Variants in PARD3 observed in about 807,000 individuals in gnomAD.
PARD3 encodes partitioning defective 3 homolog.
Under a neutral mutation model 155.4 loss-of-function variants are expected in PARD3, and 75 were observed. That is an observed-to-expected ratio of 0.48 (90% CI 0.40 to 0.58). The LOEUF is 0.58. Among genes scored for constraint, PARD3 ranks in the 20% least tolerant of loss-of-function variants. The pLI, the probability that PARD3 is intolerant of heterozygous loss-of-function variation, is 0.00. For missense variants in PARD3, 1,642 were observed against 1,721.7 expected (o/e 0.95, Z 0.82); for synonymous variants, 576 against 610.5 (o/e 0.94, Z 0.83).
At chr10:34,370,864 A>G (rs1283574143) in intron 12 of PARD3, among the ~76,000 whole-genome samples, 1 of 147,098 alleles carries the variant, frequency 6.8e-6, no homozygotes, top group Non-Finnish European at 1.5e-5. Context: ...CTGTGGATCT[A>G]TTTTGTTTTA....
At chr10:34,489,305 G>A (rs904754131) in intron 3 of PARD3, among the ~76,000 whole-genome samples, 1 of 152,184 alleles carries the variant, frequency 6.6e-6, no homozygotes, top group Non-Finnish European at 1.5e-5. Flanking sequence ...TTCCATTCTG[G>A]TGAGGACAGG....
chr10:34,549,778 T>A (rs766841826), intron 2 of PARD3, among the ~76,000 whole-genome samples: 11 of 152,080 alleles, frequency 7.2e-5, no homozygotes, highest in African/African-American at 9.7e-5. Context: ...AAAGTCACCA[T>A]GTCTGTCTTT....
At chr10:34,672,597 T>C (rs1436469614) in intron 2 of PARD3, among the ~76,000 whole-genome samples, 1 of 152,174 alleles carries the variant, frequency 6.6e-6, no homozygotes, top group Non-Finnish European at 1.5e-5. Flanking sequence ...GCAGGAGGAC[T>C]GCTCGAGGTC....
chr10:34,710,777 G>A (rs1017196937), intron 1 of PARD3, among the ~76,000 whole-genome samples: 1 of 152,190 alleles, frequency 6.6e-6, no homozygotes, highest in Non-Finnish European at 1.5e-5. Flanking sequence ...GTCAAGTGAA[G>A]AGACCCTTAT....
At chr10:34,291,353 A>C (rs1956667552) in intron 20 of PARD3, among the ~76,000 whole-genome samples, 1 of 152,222 alleles carries the variant, frequency 6.6e-6, no homozygotes, top group African/African-American at 2.4e-5. Flanking sequence ...AATTGGTCTG[A>C]ACTTGGATAT....
intron 3 of PARD3, among the ~76,000 whole-genome samples, chr10:34,506,933 C>A (rs1000894077): frequency 6.6e-6 from 1 of 152,202 alleles, no homozygotes; most frequent in African/African-American, 2.4e-5. Context: ...TGCTGCTGCA[C>A]TGCCGCCGCC....
chr10:34,442,691 G>A (rs541705381), intron 5 of PARD3, among the ~76,000 whole-genome samples: 3 of 152,218 alleles, frequency 2.0e-5, no homozygotes, highest in East Asian at 3.9e-4. Flanking sequence ...AAACATAGCG[G>A]GACCCCACCT....
chr10:34,259,363 G>A (rs1954834560), intron 22 of PARD3, among the ~76,000 whole-genome samples: 1 of 152,114 alleles, frequency 6.6e-6, no homozygotes, highest in African/African-American at 2.4e-5. Context: ...GTTCCTTCCG[G>A]AGGCTCGAGG....
At chr10:34,393,211 G>A (rs1843000393) in intron 7 of PARD3, among the ~76,000 whole-genome samples, 1 of 149,522 alleles carries the variant, frequency 6.7e-6, no homozygotes, top group African/African-American at 2.5e-5. Context: ...ACAAGGAAAA[G>A]TAATGTGAAA....
intron 2 of PARD3, among the ~76,000 whole-genome samples, chr10:34,632,625 CT>C (rs934335531): frequency 1.3e-5 from 2 of 152,150 alleles, no homozygotes; most frequent in African/African-American, 2.4e-5. Flanking sequence ...AGAAATGCTG[CT>C]TTTGAGAGAA....
chr10:34,446,863 T>C (rs529713313), intron 5 of PARD3, among the ~76,000 whole-genome samples: 9 of 152,206 alleles, frequency 5.9e-5, no homozygotes, highest in Non-Finnish European at 1.3e-4. Context: ...CCATAAAACA[T>C]AGGCTGAGAT....
chr10:34,154,959 T>G (rs1404983702), intron 22 of PARD3, among the ~76,000 whole-genome samples: 2 of 152,158 alleles, frequency 1.3e-5, no homozygotes, highest in Non-Finnish European at 2.9e-5. Flanking sequence ...AATACAGAGG[T>G]GTGACAATGG....
chr10:34,306,956 G>A (rs1490833820), intron 20 of PARD3, among the ~76,000 whole-genome samples: 4 of 151,616 alleles, frequency 2.6e-5, no homozygotes, highest in African/African-American at 9.7e-5. Flanking sequence ...ACGCCATCTT[G>A]GCTCACTGCA....
rs80316942 is a variant in PARD3 at position 34,448,638 on chromosome 10, A to C, written c.714+1679T>G. ...AGCAAAGGGAGACCGTCTCCACAAA[A>C]TAAAACATTTTTTTTTAATTAGCTG... On this transcript the variant is annotated intron_variant, in intron 5 of 24. Coordinates refer to ENST00000374788, the MANE Select transcript of PARD3 (RefSeq NM_001184785.2). Among the ~76,000 whole-genome samples the C allele has an allele frequency of 6.3e-3, 961 of 152,078 alleles. 9 individuals carry two copies. Among genetic ancestry groups the C allele is most frequent in the African/African-American group, 0.022 (915 of 41,476 alleles).
At chr10:34,504,235 C>A (rs1035453812) in intron 3 of PARD3, among the ~76,000 whole-genome samples, 2 of 151,822 alleles carry the variant, frequency 1.3e-5, no homozygotes, top group African/African-American at 4.8e-5. Context: ...TTCAAACGAG[C>A]CACTTGCCTT....
intron 18 of PARD3, among the ~76,000 whole-genome samples, chr10:34,334,996 G>A (rs981193073): frequency 6.6e-6 from 1 of 151,850 alleles, no homozygotes; most frequent in Non-Finnish European, 1.5e-5. Flanking sequence ...CTTTACCTGA[G>A]CAGCTCAATT....
intron 15 of PARD3, among the ~76,000 whole-genome samples, chr10:34,342,598 T>A (rs1021428129): frequency 6.6e-6 from 1 of 152,152 alleles, no homozygotes; most frequent in African/African-American, 2.4e-5. Context: ...CCTGGAGTGA[T>A]CTTGATGCAA....
chr10:34,327,648 T>A (rs891259580), intron 19 of PARD3, among the ~76,000 whole-genome samples: 1 of 152,148 alleles, frequency 6.6e-6, no homozygotes, highest in Non-Finnish European at 1.5e-5. Context: ...CTGACCTCCA[T>A]AACTAGCTTT....
intron 2 of PARD3, among the ~76,000 whole-genome samples, chr10:34,620,253 T>G (rs937247429): frequency 1.3e-5 from 2 of 152,138 alleles, no homozygotes; most frequent in South Asian, 2.1e-4. Flanking sequence ...ATATGACTCC[T>G]ACTCCTCCAC....
Sources: gnomAD v4.1 joint callset for allele counts (sites outside exome capture counted in the v4.1 genomes callset) on GRCh38, gnomAD v4.1.1 for gene constraint, MANE v1.5 for transcripts, NCBI Gene and HGNC (gene_info 2026-07-23, HGNC 2026-07-21) for gene names.